CCDC88A: variants seen among roughly 807,000 people sequenced by gnomAD.
The protein encoded by CCDC88A is girdin.
In CCDC88A, 54 loss-of-function variants were observed where a neutral mutation model predicts 234.3. The observed-to-expected ratio is 0.23, with a 90% CI of 0.19 to 0.29. The LOEUF is 0.29. CCDC88A is among the 10% of genes least tolerant of loss of function. CCDC88A has a pLI of 1.00. For synonymous variants in CCDC88A, 753 were observed against 737.8 expected, an observed-to-expected ratio of 1.02 and a Z score of -0.33; for missense variants, 1,832 against 2,123.4, an observed-to-expected ratio of 0.86 and a Z score of 2.70.
chr2:55,318,703 G>T, intron 19 of CCDC88A, 140 bp downstream of exon 19: 1 of 536,518 alleles, frequency 1.9e-6, no homozygotes, highest in Non-Finnish European at 3.0e-6. Flanking sequence ...GTGAAAATTT[G>T]GCATGGCACT....
At chr2:55,376,060 C>G (rs56214821) in intron 3 of CCDC88A, among the ~76,000 whole-genome samples, 5 of 151,940 alleles carry the variant, frequency 3.3e-5, no homozygotes, top group South Asian at 2.1e-4. Context: ...TCAGAAAGAA[C>G]TGAATTCTTT....
At chr2:55,343,903 T>C (rs894417580) in intron 11 of CCDC88A, 111 bp from the exon 12 acceptor site, 4 of 922,968 alleles carry the variant, frequency 4.3e-6, no homozygotes, top group Non-Finnish European at 6.2e-6. Context: ...GTAATAATTA[T>C]GAGTTCTTTA....
At chr2:55,370,574 G>A (rs1672667728) in intron 5 of CCDC88A, among the ~76,000 whole-genome samples, 1 of 138,608 alleles carries the variant, frequency 7.2e-6, no homozygotes, top group African/African-American at 2.7e-5. Flanking sequence ...CTGGGAGGCA[G>A]AGGTTGCAGT....
At chr2:55,358,848 G>T (rs1240944870) in intron 7 of CCDC88A, among the ~76,000 whole-genome samples, 2 of 151,938 alleles carry the variant, frequency 1.3e-5, no homozygotes, top group African/African-American at 4.8e-5. Flanking sequence ...ACACTATTCA[G>T]TTCTATCCCT....
chr2:55,418,556 T>C (rs1681841692), intron 2 of CCDC88A: 2 of 488,024 alleles, frequency 4.1e-6, no homozygotes, highest in Non-Finnish European at 7.3e-6. Flanking sequence ...GTGGCTTGGA[T>C]TTCAGTACTG....
chr2:55,346,035 A>G, intron 10 of CCDC88A, 140 bp downstream of exon 10: 1 of 572,630 alleles, frequency 1.7e-6, no homozygotes. Context: ...ATGCTAATCT[A>G]TCATAAAATA....
At chr2:55,416,840 G>A (rs974829810) in intron 2 of CCDC88A, 2 of 151,784 alleles carry the variant, frequency 1.3e-5, no homozygotes, top group African/African-American at 4.8e-5. Context: ...TGCCCTATCA[G>A]TTAAATAATT....
chr2:55,301,288 T>TGGATATAA lies in CCDC88A; in HGVS notation c.4673-12_4673-11insTTATATCC, dbSNP rs762928546. ...CAAAGGATGTAGTATCTACATAAAA[T>TGGATATAA]AGCAAAATGGATATAAAGATATTTT... On this transcript the variant is annotated splice_polypyrimidine_tract_variant and intron_variant, in intron 27 of 32. Coordinates refer to ENST00000436346, the MANE Select transcript of CCDC88A (RefSeq NM_001365480.1). The TGGATATAA allele has an allele frequency of 7.1e-7, 1 of 1,408,160 alleles. No homozygotes were observed. The highest frequency in any genetic ancestry group is 9.8e-7 in the Non-Finnish European group (1 of 1,015,472). 87.2% of individuals were successfully genotyped at this position (1,408,160 alleles called of 1,614,324 possible). A position where few individuals can be genotyped will look rare whatever the true frequency, so the allele number is the denominator to read the frequency against.
chr2:55,326,018 T>C (rs1274708464), intron 17 of CCDC88A, among the ~76,000 whole-genome samples: 1 of 152,218 alleles, frequency 6.6e-6, no homozygotes, highest in Non-Finnish European at 1.5e-5. Flanking sequence ...AGATGGGTCT[T>C]ATCTTTTTGT....
chr2:55,394,811 TAATAA>T (rs1677246536), intron 2 of CCDC88A, among the ~76,000 whole-genome samples: 1 of 32,550 alleles, frequency 3.1e-5, no homozygotes, highest in Non-Finnish European at 7.8e-5. Context: ...AGTATAATAA[TAATAA>T]AAAAAAAAAG....
chr2:55,417,525 T>C (rs1319632623), intron 2 of CCDC88A: 1 of 152,020 alleles, frequency 6.6e-6, no homozygotes, highest in Non-Finnish European at 1.5e-5. Flanking sequence ...CTGGAAATAA[T>C]TGATGTCTAC....
At chr2:55,319,073 T>C in intron 18 of CCDC88A, 69 bp from the exon 19 acceptor site, 2 of 1,233,384 alleles carry the variant, frequency 1.6e-6, no homozygotes, top group Admixed American at 2.1e-5. Flanking sequence ...TTCTATAGTA[T>C]ACTGAATTTT....
chr2:55,320,793 T>A (rs1377731220), intron 18 of CCDC88A: 1 of 152,130 alleles, frequency 6.6e-6, no homozygotes, highest in Non-Finnish European at 1.5e-5. Flanking sequence ...ATAGGTATAC[T>A]CTCTTAGTGG....
At chr2:55,294,359 TA>T in intron 31 of CCDC88A, 2 of 981,210 alleles carry the variant, frequency 2.0e-6, no homozygotes, top group Non-Finnish European at 1.2e-6. Flanking sequence ...AGTCACTGTG[TA>T]AATCACATTT....
chr2:55,302,293 C>A (rs1680988943), intron 26 of CCDC88A, among the ~76,000 whole-genome samples: 1 of 152,150 alleles, frequency 6.6e-6, no homozygotes, highest in Admixed American at 6.5e-5. Context: ...CCCACCTCCA[C>A]CCCCTTTAAA....
At chr2:55,380,648 C>T (rs1353267027) in intron 3 of CCDC88A, among the ~76,000 whole-genome samples, 1 of 152,058 alleles carries the variant, frequency 6.6e-6, no homozygotes, top group Non-Finnish European at 1.5e-5. Flanking sequence ...CAGAGTCTTG[C>T]TCTGTCACCC....
chr2:55,317,630 G>C lies in CCDC88A; in HGVS notation c.3536C>G (p.Ser1179Cys), dbSNP rs1287444603. ...GGCAGACTTCAGAGTTCCATGTTTA[G>C]AGATAAGAGATTCATACTCTGAAGC... is the stretch of plus-strand genomic sequence containing the variant. ...RQASEYESLI[S>C]KHGTLKSAHK... The change falls in exon 20 of 33, where the codon TCT becomes TGT. Residue 1179 changes from serine (S) to cysteine (C), a missense_variant. Physicochemically the swap from Ser to Cys is moderately radical, Grantham distance 112. This residue lies in a region of CCDC88A where 1,282 missense variants were observed against 1,543.6 expected (regional missense o/e 0.83). Transcript: ENST00000436346. The surrounding 1 kb of genome is among the most constrained non-coding windows in gnomAD (Gnocchi z 4.2). The C allele has an allele frequency of 3.1e-6, 5 of 1,609,902 alleles. No individual in the cohort carries two copies. Among genetic ancestry groups the C allele is most frequent in the Non-Finnish European group, 4.2e-6 (5 of 1,176,894 alleles).
chr2:55,401,446 A>T (rs1678625341), intron 2 of CCDC88A, among the ~76,000 whole-genome samples: 6 of 25,180 alleles, frequency 2.4e-4, no homozygotes, highest in African/African-American at 8.0e-4. Flanking sequence ...AAAAAAAAAA[A>T]AATATATATA....
intron 3 of CCDC88A, among the ~76,000 whole-genome samples, chr2:55,380,611 A>T (rs534256568): frequency 5.8e-4 from 89 of 152,154 alleles, no homozygotes; most frequent in African/African-American, 1.4e-3. Flanking sequence ...AACCATTTTT[A>T]AAAATTTTTT....
Sources: allele counts gnomAD v4.1 joint callset (sites outside exome capture counted in the v4.1 genomes callset), GRCh38; gene constraint gnomAD v4.1.1; regional missense constraint gnomAD v4.1.1; non-coding constraint Gnocchi (gnomAD v3.1); transcripts MANE v1.5; gene names NCBI Gene and HGNC (gene_info 2026-07-23, HGNC 2026-07-21).